The following ZZZ3 variants were observed in gnomAD, a reference collection of about 807,000 sequenced individuals.
ZZZ3 encodes ZZ-type zinc finger-containing protein 3.
A neutral mutation model predicts 95.2 loss-of-function variants in ZZZ3; 22 were observed. The ratio of observed to expected loss-of-function variants is 0.23; its 90% CI spans 0.17 to 0.33. The LOEUF (loss-of-function observed/expected upper bound fraction) is 0.33, where lower values mean the gene tolerates loss of function less well. Ranked by LOEUF, ZZZ3 falls within the 10% of genes least tolerant of loss-of-function variation. The pLI is 1.00. For synonymous variants in ZZZ3, 335 were observed against 358.9 expected, an observed-to-expected ratio of 0.93 and a Z score of 0.75; for missense variants, 885 against 1,066.5, an observed-to-expected ratio of 0.83 and a Z score of 2.37.
chr1:77,596,918 A>G (rs1319333521), intron 5 of ZZZ3, among the ~76,000 whole-genome samples: 4 of 152,108 alleles, frequency 2.6e-5, no homozygotes, highest in Non-Finnish European at 2.9e-5. Context: ...AGATATGTGC[A>G]TATACATGGG....
intron 9 of ZZZ3, chr1:77,580,793 G>A (rs759810997): frequency 1.4e-4 from 65 of 462,808 alleles, no homozygotes; most frequent in Admixed American, 2.7e-4. Context: ...CATCACACCC[G>A]GCTAATTTTT....
chr1:77,583,756 AT>A (rs1662774304), intron 6 of ZZZ3, among the ~76,000 whole-genome samples: 1 of 152,078 alleles, frequency 6.6e-6, no homozygotes, highest in Non-Finnish European at 1.5e-5. Flanking sequence ...CTTTTTCATC[AT>A]TTTTCAGTTT....
At chr1:77,661,346 G>C (rs187519657) in intron 1 of ZZZ3, among the ~76,000 whole-genome samples, 1 of 152,156 alleles carries the variant, frequency 6.6e-6, no homozygotes, top group Non-Finnish European at 1.5e-5. Flanking sequence ...CCAGGAGTCC[G>C]AGGCTGCAGT....
chr1:77,610,415 C>G (rs540531980), intron 5 of ZZZ3, among the ~76,000 whole-genome samples: 77 of 151,982 alleles, frequency 5.1e-4, no homozygotes, highest in Middle Eastern at 6.8e-3. Flanking sequence ...CAATCCTACT[C>G]AAACTATACC....
intron 5 of ZZZ3, among the ~76,000 whole-genome samples, chr1:77,605,376 G>A (rs1195399593): frequency 2.6e-5 from 4 of 152,146 alleles, no homozygotes; most frequent in African/African-American, 9.7e-5. Flanking sequence ...TGGCCACCTG[G>A]ACTAAAGTGC....
At chr1:77,674,851 C>CT (rs1421111313) in intron 1 of ZZZ3, among the ~76,000 whole-genome samples, 1 of 150,636 alleles carries the variant, frequency 6.6e-6, no homozygotes, top group Non-Finnish European at 1.5e-5. Flanking sequence ...ACTCAGGAGG[C>CT]TAAGTCAGGA....
At chr1:77,602,002 G>C (rs1664780635) in intron 5 of ZZZ3, among the ~76,000 whole-genome samples, 1 of 152,114 alleles carries the variant, frequency 6.6e-6, no homozygotes, top group Non-Finnish European at 1.5e-5. Context: ...TGCTGAATGA[G>C]GATATGGCAG....
intron 5 of ZZZ3, among the ~76,000 whole-genome samples, chr1:77,602,225 C>G (rs1345467410): frequency 1.3e-5 from 2 of 152,054 alleles, no homozygotes; most frequent in Admixed American, 6.5e-5. Context: ...AAGCTATGCA[C>G]TTTAAAGAAC....
intron 12 of ZZZ3, among the ~76,000 whole-genome samples, chr1:77,573,788 T>C (rs1661649246): frequency 6.6e-6 from 1 of 152,132 alleles, no homozygotes; most frequent in Admixed American, 6.5e-5. Flanking sequence ...GAGCTTACTT[T>C]TATTTGATAA....
chr1:77,636,493 A>G (rs1232265118), intron 4 of ZZZ3, among the ~76,000 whole-genome samples: 1 of 152,094 alleles, frequency 6.6e-6, no homozygotes, highest in African/African-American at 2.4e-5. Context: ...TAGGTGGATC[A>G]CTTGAGCCCA....
chr1:77,681,763 G>A (rs1320048268), intron 1 of ZZZ3, among the ~76,000 whole-genome samples: 4 of 152,048 alleles, frequency 2.6e-5, no homozygotes, highest in Admixed American at 6.5e-5. Flanking sequence ...GTGGTGAAGC[G>A]CGACTGTAAT....
intron 12 of ZZZ3, among the ~76,000 whole-genome samples, chr1:77,573,073 C>T (rs545877368): frequency 4.6e-5 from 7 of 152,132 alleles, no homozygotes; most frequent in African/African-American, 1.7e-4. Flanking sequence ...AAATTAAGTA[C>T]CTCTTAAATA....
intron 13 of ZZZ3, 56 bp downstream of exon 13, chr1:77,568,276 C>A: frequency 6.9e-7 from 1 of 1,444,246 alleles, no homozygotes; most frequent in Non-Finnish European, 9.4e-7. Context: ...GAGACTCTGT[C>A]TCTAAATAAA....
intron 5 of ZZZ3, among the ~76,000 whole-genome samples, chr1:77,612,467 G>A (rs1330266321): frequency 6.6e-6 from 1 of 151,960 alleles, no homozygotes; most frequent in Non-Finnish European, 1.5e-5. Context: ...ATGCCCAGAG[G>A]CATAAAGATA....
In ZZZ3 at chr1:77,628,690, G is replaced by A. The variant is rs575681083; in HGVS notation, c.1505+3160C>T. 1.9e-3 allele frequency among the ~76,000 whole-genome samples: 286 copies of A among 152,334 alleles called. 4 individuals are homozygous for A. Among genetic ancestry groups the A allele is most frequent in the African/African-American group, 6.6e-3 (274 of 41,578 alleles). ...ATAGAAGGCTGTTGATCACTGTTAGGTTAGAGGAAAAGTTTCAACTAGAAT... is the reference window on the plus strand; with the variant it reads ...ATAGAAGGCTGTTGATCACTGTTAGATTAGAGGAAAAGTTTCAACTAGAAT... On this transcript the variant is annotated intron_variant, in intron 5 of 14. Transcript: ENST00000370801.
chr1:77,609,638 C>T (rs1395725333), intron 5 of ZZZ3, among the ~76,000 whole-genome samples: 2 of 152,068 alleles, frequency 1.3e-5, no homozygotes, highest in Admixed American at 1.3e-4. Context: ...TATGTTAGGT[C>T]ACAAAACAAG....
intron 5 of ZZZ3, among the ~76,000 whole-genome samples, chr1:77,602,378 T>A (rs528699404): frequency 6.6e-6 from 1 of 152,256 alleles, no homozygotes; most frequent in African/African-American, 2.4e-5. Context: ...CTATTCAGAG[T>A]AAACCAACAG....
chr1:77,612,630 G>A (rs1665923431), intron 5 of ZZZ3, among the ~76,000 whole-genome samples: 1 of 152,022 alleles, frequency 6.6e-6, no homozygotes, highest in Non-Finnish European at 1.5e-5. Flanking sequence ...ACTGCCATTT[G>A]CCACAACACC....
At chr1:77,627,427 G>A (rs1299816605) in intron 5 of ZZZ3, among the ~76,000 whole-genome samples, 3 of 152,038 alleles carry the variant, frequency 2.0e-5, no homozygotes, top group African/African-American at 7.2e-5. Context: ...CTGGCCCCTT[G>A]AAAGAAATTA....
Sources: allele counts gnomAD v4.1 joint callset (sites outside exome capture counted in the v4.1 genomes callset), GRCh38; gene constraint gnomAD v4.1.1; transcripts MANE v1.5; gene names NCBI Gene and HGNC (gene_info 2026-07-23, HGNC 2026-07-21).